GRM7: variants seen among roughly 807,000 people sequenced by gnomAD.
GRM7 encodes the protein metabotropic glutamate receptor 7.
Under a neutral mutation model 84.5 loss-of-function variants are expected in GRM7, and 35 were observed. That is an observed-to-expected ratio of 0.41 (90% confidence interval 0.32 to 0.55). The LOEUF is 0.55. GRM7 is among the 20% of genes least tolerant of loss of function. GRM7 has a pLI of 0.19. For synonymous variants in GRM7, 487 were observed against 455.1 expected, an observed-to-expected ratio of 1.07 and a Z score of -0.89; for missense variants, 1,003 against 1,194.6, an observed-to-expected ratio of 0.84 and a Z score of 2.36.
chr3:6,865,098 T>G (rs754789838), intron 1 of GRM7, among the ~76,000 whole-genome samples: 3 of 152,202 alleles, frequency 2.0e-5, no homozygotes, highest in Non-Finnish European at 4.4e-5. Flanking sequence ...CAACTAGAAT[T>G]AAATCACTGC....
intron 2 of GRM7, among the ~76,000 whole-genome samples, chr3:7,245,264 T>C (rs542495308): frequency 1.3e-5 from 2 of 152,086 alleles, no homozygotes; most frequent in Non-Finnish European, 2.9e-5. Context: ...ACAAAATGTT[T>C]TAAAATGACA....
rs549536275 is a variant in GRM7 at position 7,576,394 on chromosome 3, T to C, written c.1516-2028T>C. On this transcript the variant is annotated intron_variant, in intron 7 of 9. Transcript: ENST00000357716. The stretch of plus-strand genomic sequence containing the variant: ...AGTCATCTGAAGATGCTTGGATCTC[T>C]GGTTAAAGTTTAAATTCAACCATTA... Among the ~76,000 whole-genome samples the C allele has an allele frequency of 9.8e-5, 15 of 152,370 alleles. No homozygotes were observed. In the South Asian group the frequency reaches 1.9e-3, roughly 19 times the overall value.
At chr3:7,625,200 A>G (rs527778235) in intron 8 of GRM7, among the ~76,000 whole-genome samples, 22 of 152,280 alleles carry the variant, frequency 1.4e-4, no homozygotes, top group African/African-American at 5.3e-4. Flanking sequence ...GGTAGCTGTC[A>G]TATTGTACTG....
At chr3:7,362,906 T>C (rs2125107216) in intron 4 of GRM7, among the ~76,000 whole-genome samples, 1 of 152,150 alleles carries the variant, frequency 6.6e-6, no homozygotes, top group African/African-American at 2.4e-5. Context: ...GGTGGAAGGA[T>C]TGCTTGAAGC....
At chr3:7,320,868 G>T (rs1056234865) in intron 4 of GRM7, among the ~76,000 whole-genome samples, 3 of 151,938 alleles carry the variant, frequency 2.0e-5, no homozygotes, top group African/African-American at 7.2e-5. Context: ...TTTGTTTTAT[G>T]AGGGCTCTGT....
At position 7,300,526 on chromosome 3, in the gene GRM7, C is replaced by T. The variant is rs532844646; in HGVS notation, c.878+1701C>T. Among the ~76,000 whole-genome samples, 42 of 152,308 alleles carry T rather than the reference C, an allele frequency of 2.8e-4. No homozygotes were observed. The South Asian group carries it at 8.1e-3, about 29-fold the overall frequency. ...TCCTACCAATCAAATGAACATCCTT[C>T]GGAGTTCTTTTTCGGGAGATCTGGC... On this transcript the variant is annotated intron_variant, in intron 3 of 9. Transcript: ENST00000357716.
chr3:6,990,220 T>C (rs1208696409), intron 1 of GRM7, among the ~76,000 whole-genome samples: 1 of 150,786 alleles, frequency 6.6e-6, no homozygotes, highest in Non-Finnish European at 1.5e-5. Flanking sequence ...TTCCCAAATC[T>C]TGGAAAGATG....
At chr3:7,178,823 G>T (rs995537774) in intron 2 of GRM7, among the ~76,000 whole-genome samples, 2 of 152,084 alleles carry the variant, frequency 1.3e-5, no homozygotes, top group Non-Finnish European at 2.9e-5. Flanking sequence ...GCTCATGCCT[G>T]TAATCCCAGC....
chr3:7,182,577 A>G (rs1695376000), intron 2 of GRM7, among the ~76,000 whole-genome samples: 1 of 152,238 alleles, frequency 6.6e-6, no homozygotes, highest in African/African-American at 2.4e-5. Flanking sequence ...CTTGTTAAAC[A>G]TCAGGTTCAG....
intron 4 of GRM7, among the ~76,000 whole-genome samples, chr3:7,354,996 C>T (rs922017401): frequency 6.6e-6 from 1 of 152,124 alleles, no homozygotes; most frequent in Non-Finnish European, 1.5e-5. Context: ...TCTCAACAGT[C>T]TATTACATTA....
At chr3:7,120,254 ATG>A (rs938084291) in intron 1 of GRM7, among the ~76,000 whole-genome samples, 2 of 152,118 alleles carry the variant, frequency 1.3e-5, no homozygotes, top group Non-Finnish European at 2.9e-5. Context: ...GAAAAGAGAG[ATG>A]TATAGGAGAC....
intron 4 of GRM7, among the ~76,000 whole-genome samples, chr3:7,348,053 C>T (rs1476882118): frequency 2.0e-5 from 3 of 152,154 alleles, no homozygotes; most frequent in Non-Finnish European, 4.4e-5. Context: ...CCAAGGTCAG[C>T]CTAGTGGTAA....
chr3:6,878,107 C>T (rs1236217026), intron 1 of GRM7, among the ~76,000 whole-genome samples: 1 of 152,034 alleles, frequency 6.6e-6, no homozygotes, highest in African/African-American at 2.4e-5. Flanking sequence ...TTAATAGCTT[C>T]AGAAGTGTGA....
At chr3:7,615,416 G>A (rs1479762090) in intron 8 of GRM7, among the ~76,000 whole-genome samples, 2 of 151,476 alleles carry the variant, frequency 1.3e-5, no homozygotes, top group African/African-American at 4.9e-5. Context: ...ATTTTCTCTT[G>A]AAGTCTGTTT....
intron 1 of GRM7, among the ~76,000 whole-genome samples, chr3:7,064,477 TATACACACATATACATATATATATACAC>T (rs1697559613): frequency 3.5e-5 from 3 of 85,444 alleles, no homozygotes; most frequent in African/African-American, 5.1e-5. Flanking sequence ...TATATATATA[TATACACACATATACATATATATATACAC>T]ATATATATAT....
At chr3:6,890,804 G>A (rs1257257156) in intron 1 of GRM7, among the ~76,000 whole-genome samples, 13 of 152,132 alleles carry the variant, frequency 8.5e-5, no homozygotes, top group African/African-American at 1.9e-4. Flanking sequence ...TTTCTGTCTC[G>A]TTGATCTGTC....
chr3:7,202,354 A>C (rs1446155016), intron 2 of GRM7, among the ~76,000 whole-genome samples: 1 of 152,132 alleles, frequency 6.6e-6, no homozygotes, highest in African/African-American at 2.4e-5. Flanking sequence ...GTTTTGAGAC[A>C]GAGTCTCACT....
chr3:6,882,549 A>C (rs59430480), intron 1 of GRM7, among the ~76,000 whole-genome samples: 3,123 of 149,754 alleles, frequency 0.021, 93 homozygotes, highest in East Asian at 0.078. Context: ...TTGTTTCCCA[A>C]AAAAAAAATA....
chr3:7,042,383 T>C (rs1187679144), intron 1 of GRM7, among the ~76,000 whole-genome samples: 4 of 152,198 alleles, frequency 2.6e-5, no homozygotes, highest in Non-Finnish European at 5.9e-5. Flanking sequence ...TGATTGATGT[T>C]TAATGAGAGA....
Sources: gnomAD v4.1 joint callset for allele counts (sites outside exome capture counted in the v4.1 genomes callset) on GRCh38, gnomAD v4.1.1 for gene constraint, MANE v1.5 for transcripts, NCBI Gene and HGNC (gene_info 2026-07-23, HGNC 2026-07-21) for gene names.